PHRF1: variants seen among roughly 807,000 people sequenced by gnomAD.
The protein encoded by PHRF1 is PHD and ring finger domains 1.
A neutral mutation model predicts 128.9 loss-of-function variants in PHRF1; 53 were observed. The ratio of observed to expected loss-of-function variants is 0.41; its 90% CI spans 0.33 to 0.52. PHRF1 has a LOEUF of 0.52. PHRF1 is among the 20% of genes least tolerant of loss of function. PHRF1 has a pLI of 0.21. For missense variants in PHRF1, 2,503 were observed against 2,284.5 expected (o/e 1.10, Z -1.95); for synonymous variants, 1,178 against 980.6 (o/e 1.20, Z -3.76).
chr11:583,314 G>T (rs1430420766), intron 3 of PHRF1, among the ~76,000 whole-genome samples: 3 of 152,004 alleles, frequency 2.0e-5, no homozygotes, highest in Non-Finnish European at 4.4e-5. Context: ...TCCAGCCTGG[G>T]CAACAGAGCG....
At chr11:602,216 T>A (rs1855668582) in intron 10 of PHRF1, among the ~76,000 whole-genome samples, 1 of 152,192 alleles carries the variant, frequency 6.6e-6, no homozygotes, top group Admixed American at 6.5e-5. Flanking sequence ...CCATCCAAAA[T>A]CATGGACCAG....
chr11:586,586 C>T (rs749579433), intron 3 of PHRF1, among the ~76,000 whole-genome samples: 12 of 152,188 alleles, frequency 7.9e-5, no homozygotes, highest in Non-Finnish European at 1.0e-4. Flanking sequence ...TTTACTTTAG[C>T]GTTGTTTCAT....
rs1261646800 is a variant in PHRF1 at position 576,927 on chromosome 11, C to G, written c.-22+335C>G. Among the ~76,000 whole-genome samples the G allele has an allele frequency of 2.6e-5, 4 of 151,116 alleles. No homozygotes were observed. In the East Asian group the frequency reaches 7.9e-4, roughly 30 times the overall value. On this transcript the variant is annotated intron_variant, in intron 1 of 17. Coordinates refer to ENST00000264555, the MANE Select transcript of PHRF1 (RefSeq NM_001286581.2). Reference sequence around the variant, plus strand: ...GAGGCCCCGCCGAGACTGGGAGGCCCGTGGCCTGCGGGCGGACGTCCTGGG... The same window carrying G: ...GAGGCCCCGCCGAGACTGGGAGGCCGGTGGCCTGCGGGCGGACGTCCTGGG...
At chr11:606,388 G>A (rs1855941172) in intron 12 of PHRF1, 54 bp from the exon 13 acceptor site, 1 of 1,498,972 alleles carries the variant, frequency 6.7e-7, no homozygotes. Flanking sequence ...CCTGGGTGCG[G>A]GCCCTCAGGC....
chr11:591,105 A>G (rs995228779), intron 4 of PHRF1, among the ~76,000 whole-genome samples: 1 of 152,222 alleles, frequency 6.6e-6, no homozygotes, highest in South Asian at 2.1e-4. Context: ...CCTGTGCACA[A>G]TGCCGCCCCC....
intron 6 of PHRF1, among the ~76,000 whole-genome samples, chr11:596,469 C>T (rs965579605): frequency 2.0e-5 from 3 of 152,220 alleles, no homozygotes; most frequent in African/African-American, 4.8e-5. Context: ...GCACCTACCG[C>T]AGGAGCTCAG....
rs755744027 is a variant in PHRF1 at position 608,649 on chromosome 11, G to T, written c.3193G>T (p.Ala1065Ser). The T allele has an allele frequency of 6.2e-7, 1 of 1,612,448 alleles. No homozygotes were observed. The highest frequency in any genetic ancestry group is 2.2e-5 in the East Asian group (1 of 44,862). ...TGACCGCTCCAGCAGCCGAGAGCGAGCTAAGAGGAAGAAAGCCAAGGACAA... is the reference window on the plus strand; with the variant it reads ...TGACCGCTCCAGCAGCCGAGAGCGATCTAAGAGGAAGAAAGCCAAGGACAA... ...SSDRSSSRER[A>S]KRKKAKDKSR... The change falls in exon 14 of 18, where the codon GCT becomes TCT. Residue 1065 changes from alanine to serine, a missense_variant. Physicochemically the swap from Ala to Ser is moderately conservative, Grantham distance 99. Coordinates refer to ENST00000264555, the MANE Select transcript of PHRF1 (RefSeq NM_001286581.2).
chr11:605,689 G>A lies in PHRF1; in HGVS notation c.1419G>A (p.Gln473=). The A allele has an allele frequency of 6.2e-7, 1 of 1,613,094 alleles. No individual in the cohort carries two copies. Among genetic ancestry groups the A allele is most frequent in the Non-Finnish European group, 8.5e-7 (1 of 1,179,852 alleles). Residue 473 remains glutamine (Q), a synonymous_variant, in exon 12 of 18, where the codon CAG becomes CAA. Coordinates refer to ENST00000264555, the MANE Select transcript of PHRF1 (RefSeq NM_001286581.2). Reference sequence around the variant, plus strand: ...CCCGGTCAGCCCTGCAGTCCCACCAGCCCGTGGCCAGGCCCGTCTCCGTGG... The same window carrying A: ...CCCGGTCAGCCCTGCAGTCCCACCAACCCGTGGCCAGGCCCGTCTCCGTGG... ...ALSRSALQSH[Q]PVARPVSVGL...
Position 591,414 on chromosome 11 carries a change from CTATT to C in PHRF1, c.454_457del (p.Phe152SerfsTer14). The C allele has an allele frequency of 6.2e-7, 1 of 1,610,022 alleles. No homozygotes were observed. Among genetic ancestry groups the C allele is most frequent in the Non-Finnish European group, 8.5e-7 (1 of 1,178,384 alleles). ...CAATTCCTGTCCAGTTGATCGAACTCTATTTAAGTGCATTTGTATTCGAGCTCAA... is the reference window on the plus strand; with the variant it reads ...CAATTCCTGTCCAGTTGATCGAACTCTAAGTGCATTTGTATTCGAGCTCAA... On this transcript the variant is annotated frameshift_variant, in exon 5 of 18. Coordinates refer to ENST00000264555, the MANE Select transcript of PHRF1 (RefSeq NM_001286581.2). LOFTEE classifies it high-confidence loss of function.
intron 4 of PHRF1, among the ~76,000 whole-genome samples, chr11:590,819 T>G (rs1854927154): frequency 6.6e-6 from 1 of 152,082 alleles, no homozygotes; most frequent in African/African-American, 2.4e-5. Context: ...TTCTCCTGCC[T>G]CAGCCTCCCG....
In PHRF1 at chr11:609,717, C is replaced by G; in HGVS notation, c.4261C>G (p.Pro1421Ala). ...ESSAPAEDRAPRAPLHRPQKP... is the reference protein window; with the variant it reads ...ESSAPAEDRAARAPLHRPQKP... ...CAGCGCCCCCGCCGAGGACAGAGCC[C>G]CCCGTGAGTAGTGCCCCGGCCCCCA... The change falls in exon 14 of 18, where the codon CCC becomes GCC. Residue 1421 changes from proline to alanine, a missense_variant. By Grantham distance (27) the Pro-to-Ala change is conservative (BLOSUM62 -1). Coordinates refer to ENST00000264555, the MANE Select transcript of PHRF1 (RefSeq NM_001286581.2). 6.7e-7 allele frequency: 1 copy of G among 1,481,778 alleles called. No homozygotes were observed. Among genetic ancestry groups the G allele is most frequent in the Non-Finnish European group, 8.9e-7 (1 of 1,120,906 alleles). 91.8% of individuals were successfully genotyped at this position (1,481,778 alleles called of 1,614,324 possible).
intron 3 of PHRF1, among the ~76,000 whole-genome samples, chr11:584,341 A>G (rs1264140409): frequency 6.6e-6 from 1 of 151,916 alleles, no homozygotes; most frequent in African/African-American, 2.4e-5. Flanking sequence ...GATGCCAGAG[A>G]CTCTGGGTTG....
At chr11:591,575 T>G (rs1854974180) in intron 5 of PHRF1, 108 bp downstream of exon 5, 1 of 922,526 alleles carries the variant, frequency 1.1e-6, no homozygotes, top group Admixed American at 3.6e-5. Flanking sequence ...GAGGGTTGGT[T>G]AAATGCTTCA....
chr11:610,829 G>C, intron 16 of PHRF1, 68 bp downstream of exon 16: 2 of 1,584,958 alleles, frequency 1.3e-6, no homozygotes, highest in Non-Finnish European at 8.6e-7. Context: ...TGTTGGGGCT[G>C]AGTTTATGGG....
At chr11:603,669 T>C (rs1356401947) in intron 10 of PHRF1, among the ~76,000 whole-genome samples, 2 of 152,052 alleles carry the variant, frequency 1.3e-5, no homozygotes, top group Admixed American at 6.6e-5. Flanking sequence ...GATTATTGTT[T>C]ATTTCCTAGT....
intron 1 of PHRF1, among the ~76,000 whole-genome samples, chr11:580,468 C>T (rs1203375823): frequency 6.6e-6 from 1 of 152,152 alleles, no homozygotes; most frequent in Non-Finnish European, 1.5e-5. Flanking sequence ...TGCCTTCTGC[C>T]TCCTCAGCTC....
At chr11:606,245 GCTCC>G (rs34424470) in intron 12 of PHRF1, among the ~76,000 whole-genome samples, 193 bp from the exon 13 acceptor site, 14,112 of 152,230 alleles carry the variant, frequency 0.093, 981 homozygotes, top group African/African-American at 0.2. Context: ...GCGAGGTGGG[GCTCC>G]CTCCCTCCCT....
intron 4 of PHRF1, 118 bp from the exon 5 acceptor site, chr11:591,266 G>A (rs983005447): frequency 3.4e-6 from 3 of 894,514 alleles, no homozygotes; most frequent in Admixed American, 2.3e-5. Context: ...CAGCAGCTTA[G>A]TGGAGGGCCT....
At chr11:580,992 TTTTA>T (rs1266512482) in intron 1 of PHRF1, among the ~76,000 whole-genome samples, 1 of 151,942 alleles carries the variant, frequency 6.6e-6, no homozygotes, top group Non-Finnish European at 1.5e-5. Flanking sequence ...CCTGGCCTAA[TTTTA>T]TATTTTTAGT....
Sources: allele counts gnomAD v4.1 joint callset (sites outside exome capture counted in the v4.1 genomes callset), GRCh38; gene constraint gnomAD v4.1.1; transcripts MANE v1.5; gene names NCBI Gene and HGNC (gene_info 2026-07-23, HGNC 2026-07-21).